RASSF8: variants seen among roughly 807,000 people sequenced by gnomAD.
The protein encoded by RASSF8 is ras association domain-containing protein 8.
A neutral mutation model predicts 48.5 loss-of-function variants in RASSF8; 22 were observed. The ratio of observed to expected loss-of-function variants is 0.45; its 90% CI spans 0.32 to 0.65. The LOEUF (loss-of-function observed/expected upper bound fraction) is 0.65, where lower values mean the gene tolerates loss of function less well. Among genes scored for constraint, RASSF8 ranks in the 30% least tolerant of loss-of-function variants. The pLI, the probability that RASSF8 is intolerant of heterozygous loss-of-function variation, is 0.03. For synonymous variants in RASSF8, 127 were observed against 171.5 expected, an observed-to-expected ratio of 0.74 and a Z score of 2.03; for missense variants, 418 against 489.2, an observed-to-expected ratio of 0.85 and a Z score of 1.37.
At chr12:25,996,443 A>C (rs1942135900) in intron 2 of RASSF8, among the ~76,000 whole-genome samples, 1 of 152,180 alleles carries the variant, frequency 6.6e-6, no homozygotes, top group African/African-American at 2.4e-5. Context: ...AGTTATACCA[A>C]GAGGAACTGT....
At chr12:26,054,950 A>G (rs1339289705) in intron 2 of RASSF8, among the ~76,000 whole-genome samples, 1 of 152,206 alleles carries the variant, frequency 6.6e-6, no homozygotes, top group Non-Finnish European at 1.5e-5. Context: ...ACAGGACAGA[A>G]AAACAGCGCA....
chr12:26,022,696 A>G (rs897124282), intron 2 of RASSF8, among the ~76,000 whole-genome samples: 1 of 73,690 alleles, frequency 1.4e-5, no homozygotes, highest in Non-Finnish European at 3.2e-5. Flanking sequence ...TAAAAAGTAT[A>G]ATAACAAAAA....
At chr12:26,065,474 T>A in intron 4 of RASSF8, 87 bp downstream of exon 4, 1 of 1,462,128 alleles carries the variant, frequency 6.8e-7, no homozygotes, top group Non-Finnish European at 9.1e-7. Flanking sequence ...CAATTTTTCC[T>A]TATATTCAAA....
chr12:25,961,749 C>T (rs902775326), intron 1 of RASSF8, among the ~76,000 whole-genome samples: 5 of 152,174 alleles, frequency 3.3e-5, no homozygotes, highest in Non-Finnish European at 5.9e-5. Flanking sequence ...TCTCAAACTC[C>T]TTCAGAATTG....
intron 2 of RASSF8, among the ~76,000 whole-genome samples, chr12:26,025,442 A>G (rs972082426): frequency 2.6e-5 from 4 of 151,912 alleles, no homozygotes; most frequent in Non-Finnish European, 5.9e-5. Flanking sequence ...CTGTATTCCC[A>G]GGTACTCGGG....
chr12:25,993,529 C>T (rs1942062110), intron 1 of RASSF8, among the ~76,000 whole-genome samples: 2 of 152,042 alleles, frequency 1.3e-5, no homozygotes, highest in Admixed American at 1.3e-4. Flanking sequence ...CAGACAGCTC[C>T]CAGGCCCAAG....
chr12:26,077,644 C>A (rs1053342939), downstream of RASSF8, among the ~76,000 whole-genome samples: 1 of 152,134 alleles, frequency 6.6e-6, no homozygotes, highest in African/African-American at 2.4e-5. Context: ...GTACCAGTAC[C>A]ATGCTATTTT....
At chr12:26,078,810 T>C (rs911836255) in intron 5 of RASSF8, among the ~76,000 whole-genome samples, 3 of 152,176 alleles carry the variant, frequency 2.0e-5, no homozygotes, top group African/African-American at 7.2e-5. Context: ...CCTAAAGATA[T>C]GTATTTTTAA....
intron 3 of RASSF8, 71 bp from the exon 4 acceptor site, chr12:26,064,427 G>GT: frequency 7.3e-7 from 1 of 1,365,774 alleles, no homozygotes. Context: ...ATCATCAAAT[G>GT]GCATTCTTAC....
At chr12:25,968,373 C>T (rs909153607) in intron 1 of RASSF8, among the ~76,000 whole-genome samples, 1 of 152,082 alleles carries the variant, frequency 6.6e-6, no homozygotes, top group African/African-American at 2.4e-5. Context: ...GACAGAGTCT[C>T]GCTCTGTCGC....
At chr12:26,032,387 G>A (rs1188843962) in intron 2 of RASSF8, among the ~76,000 whole-genome samples, 1 of 152,144 alleles carries the variant, frequency 6.6e-6, no homozygotes, top group African/African-American at 2.4e-5. Context: ...ACAAACTTTG[G>A]AATGTTGATA....
intron 2 of RASSF8, among the ~76,000 whole-genome samples, chr12:26,039,745 G>T (rs1192576440): frequency 6.6e-6 from 1 of 152,118 alleles, no homozygotes. Flanking sequence ...TCTTCTGAAA[G>T]AATCACCCTG....
chr12:25,987,423 T>C (rs1941912483), intron 1 of RASSF8, among the ~76,000 whole-genome samples: 1 of 152,004 alleles, frequency 6.6e-6, no homozygotes. Context: ...TCAAGGAGAG[T>C]ATACCAAAAT....
At chr12:26,044,875 A>G (rs1410011281) in intron 2 of RASSF8, among the ~76,000 whole-genome samples, 1 of 151,686 alleles carries the variant, frequency 6.6e-6, no homozygotes, top group African/African-American at 2.4e-5. Context: ...GAGAATGACA[A>G]CTATAGAGAG....
chr12:26,053,715 C>G (rs1022542404), intron 2 of RASSF8, among the ~76,000 whole-genome samples: 1 of 152,206 alleles, frequency 6.6e-6, no homozygotes, highest in Non-Finnish European at 1.5e-5. Context: ...CTTGTCATTG[C>G]CAAGGTGGCC....
intron 1 of RASSF8, among the ~76,000 whole-genome samples, chr12:25,968,781 A>C (rs1438093071): frequency 6.6e-6 from 1 of 152,232 alleles, no homozygotes; most frequent in Non-Finnish European, 1.5e-5. Flanking sequence ...AGAGATAATA[A>C]ATGAACAAAT....
At chr12:26,012,333 G>C (rs556331253) in intron 2 of RASSF8, among the ~76,000 whole-genome samples, 1 of 152,198 alleles carries the variant, frequency 6.6e-6, no homozygotes, top group Non-Finnish European at 1.5e-5. Flanking sequence ...AAGCTCTCAG[G>C]CATTTAATAT....
At chr12:26,063,513 C>G (rs549139354) in intron 3 of RASSF8, among the ~76,000 whole-genome samples, 1 of 152,162 alleles carries the variant, frequency 6.6e-6, no homozygotes, top group Admixed American at 6.5e-5. Context: ...TCTCCTATTT[C>G]AGCCTCTCAA....
rs561332040 is a variant in RASSF8 at position 26,011,684 on chromosome 12, G to T, written c.-109+16554G>T. On this transcript the variant is annotated intron_variant, in intron 2 of 5. Coordinates refer to ENST00000689635, the MANE Select transcript of RASSF8 (RefSeq NM_001394098.1). ...GATTAGTGCCTTCATAAAAGGCCCT[G>T]GAGAGCTGTCTTGCCCCCTCCGCCA... 4 of 152,308 alleles carry T rather than the reference G, an allele frequency of 2.6e-5. No individual in the cohort carries two copies. The South Asian group carries it at 6.2e-4, about 24-fold the overall frequency. The allele number at this position is 152,308 out of a possible 1,614,324, so 9.4% of individuals were successfully genotyped here.
Sources: gnomAD v4.1 joint callset for allele counts (sites outside exome capture counted in the v4.1 genomes callset) on GRCh38, gnomAD v4.1.1 for gene constraint, MANE v1.5 for transcripts, NCBI Gene and HGNC (gene_info 2026-07-23, HGNC 2026-07-21) for gene names.